Variants in ZHX3 observed in about 807,000 individuals in gnomAD.
The protein encoded by ZHX3 is zinc fingers and homeoboxes protein 3.
In ZHX3, 20 loss-of-function variants were observed where a neutral mutation model predicts 64.5. The ratio of observed to expected loss-of-function variants is 0.31; its 90% CI spans 0.22 to 0.45. The LOEUF is 0.45. Ranked by LOEUF, ZHX3 falls within the 20% of genes least tolerant of loss-of-function variation. The pLI is 1.00. For missense variants in ZHX3, 1,041 were observed against 1,195.8 expected, an observed-to-expected ratio of 0.87 and a Z score of 1.91; for synonymous variants, 423 against 461.6, an observed-to-expected ratio of 0.92 and a Z score of 1.07.
At chr20:41,188,748 C>G (rs551398590) in intron 3 of ZHX3, among the ~76,000 whole-genome samples, 1 of 152,226 alleles carries the variant, frequency 6.6e-6, no homozygotes, top group South Asian at 2.1e-4. Context: ...CTTATATATT[C>G]TAGATATTAG....
At chr20:41,295,520 A>G (rs1056550324) in intron 1 of ZHX3, among the ~76,000 whole-genome samples, 4 of 152,214 alleles carry the variant, frequency 2.6e-5, no homozygotes, top group African/African-American at 9.6e-5. Flanking sequence ...CCCTTTTTAA[A>G]AAATTTAAAC....
chr20:41,257,886 C>T (rs1268056435), intron 2 of ZHX3, among the ~76,000 whole-genome samples: 1 of 144,984 alleles, frequency 6.9e-6, no homozygotes, highest in Non-Finnish European at 1.5e-5. Flanking sequence ...GCTGGGATTA[C>T]AGGTGTTAGC....
rs752483069 is a variant in ZHX3, at chr20:41,204,155, G to A, written c.762C>T (p.Asn254=). The change falls in exon 3 of 4, where the codon AAC becomes AAT. Residue 254 remains asparagine, a synonymous_variant. Transcript: ENST00000683867. The surrounding 1 kb of genome is among the most constrained non-coding windows in gnomAD (Gnocchi z 6.6). Reference sequence around the variant, plus strand: ...CTGGCACTGTTCCTATCAGGGGCCCGTTGGCGGCATGGGGGTTTTTTGCAG... The same window carrying A: ...CTGGCACTGTTCCTATCAGGGGCCCATTGGCGGCATGGGGGTTTTTTGCAG... ...ASSAKNPHAA[N]GPLIGTVPVL... The A allele has an allele frequency of 8.2e-5, 132 of 1,607,504 alleles. 2 individuals carry two copies. Among genetic ancestry groups the A allele is most frequent in the South Asian group, 6.5e-4 (58 of 89,848 alleles).
chr20:41,230,401 A>G (rs2040531118), intron 2 of ZHX3, among the ~76,000 whole-genome samples: 1 of 152,122 alleles, frequency 6.6e-6, no homozygotes, highest in African/African-American at 2.4e-5. Flanking sequence ...AGGGAGCAGG[A>G]TATCACTGTG....
chr20:41,253,679 T>C (rs1437033385), intron 2 of ZHX3, among the ~76,000 whole-genome samples: 2 of 152,162 alleles, frequency 1.3e-5, no homozygotes, highest in Non-Finnish European at 2.9e-5. Flanking sequence ...ACCAGGTCCA[T>C]ATACAGTTAA....
intron 3 of ZHX3, among the ~76,000 whole-genome samples, chr20:41,186,531 G>A (rs1414840960): frequency 1.3e-5 from 2 of 152,144 alleles, no homozygotes; most frequent in Non-Finnish European, 2.9e-5. Context: ...TGGATCACAT[G>A]GTAATATTCT....
chr20:41,255,174 T>C (rs1049649356), intron 2 of ZHX3, among the ~76,000 whole-genome samples: 6 of 152,090 alleles, frequency 3.9e-5, no homozygotes, highest in Non-Finnish European at 8.8e-5. Context: ...TTTTTTGACA[T>C]GGAGTCTCGC....
chr20:41,254,199 T>G (rs1568900898), intron 2 of ZHX3, among the ~76,000 whole-genome samples: 1 of 152,250 alleles, frequency 6.6e-6, no homozygotes, highest in East Asian at 1.9e-4. Flanking sequence ...TAAAAATACT[T>G]GTTAGTTCCC....
At chr20:41,306,884 G>T (rs1244613540) in intron 1 of ZHX3, among the ~76,000 whole-genome samples, 2 of 152,236 alleles carry the variant, frequency 1.3e-5, no homozygotes, top group African/African-American at 4.8e-5. Flanking sequence ...GAGGGGTCAA[G>T]TGGAAGAGCC....
rs569526640 is a variant in ZHX3 at position 41,313,637 on chromosome 20, G to A, written c.-245+3872C>T. ...TTTTGAGATGGAGTCTCACTCTGTC[G>A]CCCAGGCTGGAGTGCAGTGGCGAGA... On this transcript the variant is annotated intron_variant, in intron 1 of 3. Transcript: ENST00000683867. Among the ~76,000 whole-genome samples the A allele has an allele frequency of 2.3e-4, 28 of 120,404 alleles. No homozygotes were observed. The South Asian group carries it at 4.5e-3, about 19-fold the overall frequency. 79.0% of individuals were successfully genotyped at this position (120,404 alleles called of 152,430 possible). A position where few individuals can be genotyped will look rare whatever the true frequency, so the allele number is the denominator to read the frequency against.
In ZHX3 at chr20:41,201,284, A is replaced by AC. The variant is rs1009349938; in HGVS notation, c.2860+772dup. The AC allele has an allele frequency of 8.4e-6, 11 of 1,301,868 alleles. No individual in the cohort carries two copies. Among genetic ancestry groups the AC allele is most frequent in the Non-Finnish European group, 1.1e-5 (11 of 988,288 alleles). The allele number at this position is 1,301,868 out of a possible 1,614,324, so 80.6% of individuals were successfully genotyped here. A position where few individuals can be genotyped will look rare whatever the true frequency, so the allele number is the denominator to read the frequency against. Reference sequence around the variant, plus strand: ...ACAATACTCCGCCCTCCTGGCTCTCACCTGAGCTTCTGGCTGCCCTCTGAT... The same window carrying AC: ...ACAATACTCCGCCCTCCTGGCTCTCACCCTGAGCTTCTGGCTGCCCTCTGAT... On this transcript the variant is annotated intron_variant, in intron 3 of 3. Coordinates refer to ENST00000683867, the MANE Select transcript of ZHX3 (RefSeq NM_001384317.1). The surrounding 1 kb of genome is among the most constrained non-coding windows in gnomAD (Gnocchi z 5.0).
At chr20:41,307,451 C>T (rs753856916) in intron 1 of ZHX3, among the ~76,000 whole-genome samples, 1 of 152,204 alleles carries the variant, frequency 6.6e-6, no homozygotes, top group Non-Finnish European at 1.5e-5. Context: ...TTCTGGTTTT[C>T]TATTCACTAC....
intron 2 of ZHX3, among the ~76,000 whole-genome samples, chr20:41,260,132 CA>C (rs1431888356): frequency 1.3e-5 from 2 of 148,236 alleles, no homozygotes; most frequent in Admixed American, 6.7e-5. Flanking sequence ...GAACAAAAGG[CA>C]TATAGGTAAA....
intron 3 of ZHX3, among the ~76,000 whole-genome samples, chr20:41,198,568 G>T (rs1271288270): frequency 1.3e-5 from 2 of 151,222 alleles, no homozygotes; most frequent in African/African-American, 4.9e-5. Flanking sequence ...GGAATCGGCT[G>T]TTAATCTTGT....
chr20:41,199,514 G>A (rs2038039737), intron 3 of ZHX3, among the ~76,000 whole-genome samples: 2 of 151,738 alleles, frequency 1.3e-5, no homozygotes, highest in South Asian at 4.2e-4. Context: ...TGGTTAACCA[G>A]TGACCTAAGA....
Position 41,185,628 on chromosome 20 carries a change from G to A in ZHX3, c.2861-427C>T. ...TAGCAGCTGGGTCTAGTTCTGATATGTATTCTACTGATGTCTTCACTTCAT... is the reference window on the plus strand; with the variant it reads ...TAGCAGCTGGGTCTAGTTCTGATATATATTCTACTGATGTCTTCACTTCAT... On this transcript the variant is annotated intron_variant, in intron 3 of 3. Transcript: ENST00000683867. The surrounding 1 kb of genome is among the most constrained non-coding windows in gnomAD (Gnocchi z 5.0). 4.5e-6 allele frequency: 1 copy of A among 221,800 alleles called. No homozygotes were observed. The allele number at this position is 221,800 out of a possible 1,614,324, so 13.7% of individuals were successfully genotyped here.
At chr20:41,308,730 T>C (rs1309834313) in intron 1 of ZHX3, among the ~76,000 whole-genome samples, 2 of 152,102 alleles carry the variant, frequency 1.3e-5, no homozygotes, top group African/African-American at 2.4e-5. Context: ...CCAGGGAAAA[T>C]AGGGAGAATG....
intron 1 of ZHX3, among the ~76,000 whole-genome samples, chr20:41,315,331 C>T (rs1376453902): frequency 4.0e-5 from 6 of 149,276 alleles, no homozygotes; most frequent in African/African-American, 1.2e-4. Flanking sequence ...TACAGGCACG[C>T]ACCACCAGGC....
At chr20:41,254,054 G>A (rs1438950470) in intron 2 of ZHX3, among the ~76,000 whole-genome samples, 1 of 152,132 alleles carries the variant, frequency 6.6e-6, no homozygotes, top group Non-Finnish European at 1.5e-5. Context: ...GGAGGCTAAG[G>A]CAGAAGGATT....
Sources: gnomAD v4.1 joint callset for allele counts (sites outside exome capture counted in the v4.1 genomes callset) on GRCh38, gnomAD v4.1.1 for gene constraint, Gnocchi (gnomAD v3.1) non-coding constraint, MANE v1.5 for transcripts, NCBI Gene and HGNC (gene_info 2026-07-23, HGNC 2026-07-21) for gene names.